The following FBXW11 variants were observed in gnomAD, a reference collection of about 807,000 sequenced individuals.
FBXW11 encodes the protein F-box/WD repeat-containing protein 11.
FBXW11 carries 19 observed loss-of-function variants against 77.6 expected under a neutral mutation model. The ratio of observed to expected loss-of-function variants is 0.24; its 90% CI spans 0.17 to 0.36. FBXW11 has a LOEUF of 0.36. Among genes scored for constraint, FBXW11 ranks in the 10% least tolerant of loss-of-function variants. The pLI is 1.00. For missense variants in FBXW11, 334 were observed against 704.2 expected (o/e 0.47, Z 5.95); for synonymous variants, 235 against 249.4 (o/e 0.94, Z 0.54).
In FBXW11 at chr5:171,866,887, T is replaced by C. The variant is rs189528541; in HGVS notation, c.*25+1723A>G. On this transcript the variant is annotated intron_variant, in intron 13 of 13. Transcript: ENST00000517395. Reference sequence around the variant, plus strand: ...GATTTTTCAACTGACTTATGAAGCATCTATCCAGAAAGAAAGCAGCAGGGC... The same window carrying C: ...GATTTTTCAACTGACTTATGAAGCACCTATCCAGAAAGAAAGCAGCAGGGC... 1.5e-3 allele frequency among the ~76,000 whole-genome samples: 227 copies of C among 152,284 alleles called. 1 individual carries two copies. The highest frequency in any genetic ancestry group is 5.1e-3 in the African/African-American group (214 of 41,566).
intron 2 of FBXW11, among the ~76,000 whole-genome samples, chr5:171,955,540 G>A (rs916495141): frequency 6.6e-6 from 1 of 152,120 alleles, no homozygotes; most frequent in Non-Finnish European, 1.5e-5. Context: ...GGAGGTAAAG[G>A]GGAGAAATGT....
At chr5:171,893,423 A>AAAAAAAAAAAC in intron 6 of FBXW11, among the ~76,000 whole-genome samples, 1 of 127,210 alleles carries the variant, frequency 7.9e-6, no homozygotes, top group Non-Finnish European at 1.7e-5. Context: ...TTCAAAACCA[A>AAAAAAAAAAAC]AAAAAAAAAA....
At chr5:171,868,935 G>A (rs1423936567) in intron 12 of FBXW11, 139 bp from the exon 13 acceptor site, 4 of 657,166 alleles carry the variant, frequency 6.1e-6, no homozygotes, top group Admixed American at 6.9e-5. Flanking sequence ...ACTGAACTGT[G>A]TCCTTCATCC....
intron 2 of FBXW11, among the ~76,000 whole-genome samples, chr5:171,916,726 T>C (rs1447548416): frequency 6.6e-6 from 1 of 151,976 alleles, no homozygotes; most frequent in African/African-American, 2.4e-5. Flanking sequence ...AAGGCCACAA[T>C]GTCTGGGTTC....
Position 171,904,292 on chromosome 5 carries a change from C to A in FBXW11, c.437-4192G>T, listed in dbSNP as rs1377182743. Among the ~76,000 whole-genome samples the A allele has an allele frequency of 6.6e-6, 1 of 151,874 alleles. No homozygotes were observed. The highest frequency in any genetic ancestry group is 1.5e-5 in the Non-Finnish European group (1 of 67,962). On this transcript the variant is annotated intron_variant, in intron 4 of 13. Transcript: ENST00000517395. This position sits in a 1 kb window ranked among gnomAD's most constrained non-coding sequence, Gnocchi z 4.0. ...CCTGGGTTACAGTGCAAGACTCTGT[C>A]TTTTTTTAAAAAAAATAAAAAATAA...
intron 2 of FBXW11, among the ~76,000 whole-genome samples, chr5:171,927,853 A>C (rs1761971895): frequency 6.6e-6 from 1 of 152,260 alleles, no homozygotes; most frequent in South Asian, 2.1e-4. Context: ...CATGAGATCC[A>C]AAAGGATGGC....
chr5:171,870,209 G>A (rs1396032344), intron 11 of FBXW11, among the ~76,000 whole-genome samples: 1 of 152,154 alleles, frequency 6.6e-6, no homozygotes, highest in African/African-American at 2.4e-5. Context: ...AATGCTGGAA[G>A]TTAGTAATAG....
At chr5:171,895,160 C>T (rs1016912369) in intron 6 of FBXW11, among the ~76,000 whole-genome samples, 42 of 152,166 alleles carry the variant, frequency 2.8e-4, no homozygotes, top group African/African-American at 1.0e-3. Context: ...CCTATCATTT[C>T]ACTTAGCCAT....
At chr5:171,883,727 T>C (rs941783561) in intron 7 of FBXW11, among the ~76,000 whole-genome samples, 1 of 152,170 alleles carries the variant, frequency 6.6e-6, no homozygotes, top group Non-Finnish European at 1.5e-5. Context: ...CTCTGATCAT[T>C]TTATCATGTT....
chr5:171,869,802 A>G lies in FBXW11; in HGVS notation c.1457T>C (p.Ile486Thr), dbSNP rs1026298756. The change falls in exon 12 of 14, where the codon ATT becomes ACT. Residue 486 changes from isoleucine (I) to threonine (T), a missense_variant. Ile to Thr is a moderately conservative substitution (Grantham distance 89). Transcript: ENST00000517395. The surrounding 1 kb of genome is among the most constrained non-coding windows in gnomAD (Gnocchi z 4.1). ...RIVSGAYDGK[I>T]KVWDLQAALD... ...AGCAGCTTGCAAGTCCCAAACTTTA[A>G]TTTTCCTAGAAAGGAAAATGAGATG... 3.7e-6 allele frequency: 6 copies of G among 1,606,038 alleles called. No individual in the cohort carries two copies. Among genetic ancestry groups the G allele is most frequent in the Non-Finnish European group, 5.1e-6 (6 of 1,175,674 alleles).
intron 3 of FBXW11, 140 bp downstream of exon 3, chr5:171,914,203 A>G: frequency 1.5e-6 from 1 of 668,260 alleles, no homozygotes; most frequent in Non-Finnish European, 2.5e-6. Context: ...AAGATAAATT[A>G]GGGTGGATTC....
In FBXW11 at chr5:171,863,970, G is replaced by A. The variant is rs1250414519; in HGVS notation, c.*157C>T. ...GCCGGAATCAGAGGTGAGAAATGTC[G>A]GTACTTGAAGAGTTAGGCTGCTTTG... On this transcript the variant is annotated 3_prime_UTR_variant, in exon 14 of 14. Coordinates refer to ENST00000517395, the MANE Select transcript of FBXW11 (RefSeq NM_001378974.1). The A allele has an allele frequency of 2.6e-5, 4 of 152,272 alleles. No homozygotes were observed. Among genetic ancestry groups the A allele is most frequent in the Middle Eastern group, 3.4e-3 (1 of 294 alleles). 9.4% of individuals were successfully genotyped at this position (152,272 alleles called of 1,614,324 possible). A position where few individuals can be genotyped will look rare whatever the true frequency, so the allele number is the denominator to read the frequency against.
At position 171,878,049 on chromosome 5, in the gene FBXW11, C is replaced by G; in HGVS notation, c.933G>C (p.Glu311Asp). 6.2e-7 allele frequency: 1 copy of G among 1,614,066 alleles called. No homozygotes were observed. Among genetic ancestry groups the G allele is most frequent in the South Asian group, 1.1e-5 (1 of 91,078 alleles). ...CTGAAGAGCCAGTTACAATGACACG[C>G]TCATCATACTGCAGACAGAGGACAG... ...TGSVLCLQYD[E>D]RVIVTGSSDS... The change falls in exon 8 of 14, where the codon GAG becomes GAC. Residue 311 changes from glutamate (E) to aspartate (D), a missense_variant. By Grantham distance (45) the Glu-to-Asp change is conservative. Around this residue, in one of 10 missense-constraint regions of FBXW11, gnomAD observed 70 missense variants for 136.6 expected, o/e 0.51. Transcript: ENST00000517395.
At chr5:171,913,616 G>T (rs1469046974) in intron 3 of FBXW11, among the ~76,000 whole-genome samples, 1 of 151,980 alleles carries the variant, frequency 6.6e-6, no homozygotes, top group Non-Finnish European at 1.5e-5. Flanking sequence ...GATGCACTTT[G>T]TTCCTGCTAA....
intron 2 of FBXW11, among the ~76,000 whole-genome samples, chr5:171,917,311 TCTTTA>T (rs1311573932): frequency 6.6e-6 from 1 of 152,042 alleles, no homozygotes; most frequent in African/African-American, 2.4e-5. Flanking sequence ...CTTAATATTT[TCTTTA>T]CTTAAGATGG....
chr5:171,970,971 T>G (rs1178197477), intron 1 of FBXW11, among the ~76,000 whole-genome samples: 1 of 152,202 alleles, frequency 6.6e-6, no homozygotes, highest in Non-Finnish European at 1.5e-5. Flanking sequence ...ACAGCAAGGA[T>G]GTCTTTGATT....
At chr5:171,888,914 A>C (rs1759103143) in intron 7 of FBXW11, among the ~76,000 whole-genome samples, 3 of 152,238 alleles carry the variant, frequency 2.0e-5, no homozygotes, top group Admixed American at 2.0e-4. Context: ...GTAACAGGAG[A>C]ATAGAGATGA....
intron 6 of FBXW11, among the ~76,000 whole-genome samples, chr5:171,892,005 T>C (rs1245877449): frequency 1.3e-5 from 2 of 152,204 alleles, no homozygotes; most frequent in African/African-American, 2.4e-5. Flanking sequence ...AAACAAAGAA[T>C]TGTCTTGATC....
chr5:171,905,519 C>A (rs1760423413), intron 4 of FBXW11, among the ~76,000 whole-genome samples: 1 of 151,976 alleles, frequency 6.6e-6, no homozygotes, highest in South Asian at 2.1e-4. Flanking sequence ...ATGGACAAGG[C>A]CGATACACAA....
Sources: gnomAD v4.1 joint callset for allele counts (sites outside exome capture counted in the v4.1 genomes callset) on GRCh38, gnomAD v4.1.1 for gene constraint, gnomAD v4.1.1 regional missense constraint, Gnocchi (gnomAD v3.1) non-coding constraint, MANE v1.5 for transcripts, NCBI Gene and HGNC (gene_info 2026-07-23, HGNC 2026-07-21) for gene names.